Variants in CFTR observed in about 807,000 individuals in gnomAD.
CFTR encodes cystic fibrosis transmembrane conductance regulator.
A neutral mutation model predicts 171.6 loss-of-function variants in CFTR; 181 were observed. That is an observed-to-expected ratio of 1.05 (90% CI 0.93 to 1.19). CFTR has a LOEUF of 1.19. Among genes scored for constraint, CFTR ranks in the 50% most tolerant of loss-of-function variants. CFTR has a pLI of 0.00. For synonymous variants in CFTR, 583 were observed against 608.0 expected, an observed-to-expected ratio of 0.96 and a Z score of 0.60; for missense variants, 1,968 against 1,734.7, an observed-to-expected ratio of 1.13 and a Z score of -2.39.
At chr7:117,513,839 C>T (rs1798558955) in intron 3 of CFTR, among the ~76,000 whole-genome samples, 1 of 152,166 alleles carries the variant, frequency 6.6e-6, no homozygotes, top group Non-Finnish European at 1.5e-5. Context: ...GCACTCCCCA[C>T]AATCTCCTAT....
At chr7:117,570,434 G>A (rs1333441509) in intron 11 of CFTR, among the ~76,000 whole-genome samples, 1 of 152,126 alleles carries the variant, frequency 6.6e-6, no homozygotes, top group Non-Finnish European at 1.5e-5. Context: ...TCTTTATGGG[G>A]AAGTGCTATA....
chr7:117,637,830 T>C (rs919406336), intron 22 of CFTR, among the ~76,000 whole-genome samples: 10 of 152,034 alleles, frequency 6.6e-5, no homozygotes, highest in Non-Finnish European at 1.5e-4. Context: ...TGACCCAAGA[T>C]TGTGCCACTG....
At position 117,509,275 on chromosome 7, in the gene CFTR, C is replaced by T. The variant is rs1436998620; in HGVS notation, c.273+133C>T. The T allele has an allele frequency of 8.9e-6, 6 of 674,766 alleles. No individual in the cohort carries two copies. In the East Asian group the frequency reaches 1.6e-4, roughly 18 times the overall value. The allele number at this position is 674,766 out of a possible 1,614,324, so 41.8% of individuals were successfully genotyped here. Reference sequence around the variant, plus strand: ...GAATCCAACTCCAAACACTAAGAAACCACCTAAAACTCTAGTAAGGATAAG... The same window carrying T: ...GAATCCAACTCCAAACACTAAGAAATCACCTAAAACTCTAGTAAGGATAAG... On this transcript the variant is annotated intron_variant, in intron 3 of 26. Coordinates refer to ENST00000003084, the MANE Select transcript of CFTR (RefSeq NM_000492.4).
At chr7:117,614,449 A>T (rs966698120) in intron 20 of CFTR, among the ~76,000 whole-genome samples, 164 bp from the exon 21 acceptor site, 1 of 152,140 alleles carries the variant, frequency 6.6e-6, no homozygotes, top group African/African-American at 2.4e-5. Flanking sequence ...GCATTATTCT[A>T]TTAGTAGATG....
In CFTR at chr7:117,540,696, A is replaced by G. The variant is rs768183796; in HGVS notation, c.1116+350A>G. Among the ~76,000 whole-genome samples, 3 of 152,328 alleles carry G rather than the reference A, an allele frequency of 2.0e-5. 1 individual carries two copies. The South Asian group carries it at 6.2e-4, about 32-fold the overall frequency. The stretch of plus-strand genomic sequence containing the variant: ...GTATATGATTAAGAAGCAAATAAAT[A>G]CTTATTATGCTTTTTTGCTGTTTAT... On this transcript the variant is annotated intron_variant, in intron 8 of 26. Transcript: ENST00000003084.
intron 10 of CFTR, 50 bp downstream of exon 10, chr7:117,548,873 T>TC: frequency 6.4e-7 from 1 of 1,563,374 alleles, no homozygotes; most frequent in Non-Finnish European, 8.7e-7. Flanking sequence ...TGTCCATGTC[T>TC]CTTTTTTTTT....
intron 14 of CFTR, among the ~76,000 whole-genome samples, chr7:117,593,592 GTGTTTGTT>G (rs376034997): frequency 2.0e-5 from 3 of 151,704 alleles, no homozygotes; most frequent in African/African-American, 7.2e-5. Context: ...GTTTTTTTGT[GTGTTTGTT>G]TGTTTGTTTG....
intron 15 of CFTR, among the ~76,000 whole-genome samples, chr7:117,596,491 T>C (rs531408057): frequency 5.9e-5 from 9 of 152,224 alleles, no homozygotes; most frequent in African/African-American, 2.2e-4. Flanking sequence ...GGCTGAGGAG[T>C]GTGGGTGCAG....
chr7:117,583,322 C>G (rs1184363824), intron 11 of CFTR, among the ~76,000 whole-genome samples: 1 of 151,958 alleles, frequency 6.6e-6, no homozygotes, highest in Non-Finnish European at 1.5e-5. Flanking sequence ...TATCCCCCCC[C>G]CGCTCCACCC....
chr7:117,555,459 G>C (rs903094863), intron 10 of CFTR, among the ~76,000 whole-genome samples: 2 of 152,176 alleles, frequency 1.3e-5, no homozygotes, highest in African/African-American at 4.8e-5. Context: ...ACCACGTGAT[G>C]CTAATCATCT....
At chr7:117,603,437 AT>A in intron 16 of CFTR, 94 bp from the exon 17 acceptor site, 1 of 1,396,470 alleles carries the variant, frequency 7.2e-7, no homozygotes, top group Non-Finnish European at 1.0e-6. Flanking sequence ...AAAATATTGT[AT>A]TTATTTAGAC....
intron 10 of CFTR, among the ~76,000 whole-genome samples, chr7:117,549,587 T>A (rs371185224): frequency 6.6e-6 from 1 of 152,158 alleles, no homozygotes; most frequent in Admixed American, 6.5e-5. Flanking sequence ...AAATTAGAGA[T>A]GAGAAAGAGC....
chr7:117,649,484 AG>A (rs1562925184), intron 23 of CFTR, among the ~76,000 whole-genome samples: 23 of 119,082 alleles, frequency 1.9e-4, no homozygotes, highest in Middle Eastern at 4.0e-3. Flanking sequence ...ATATATATAT[AG>A]TGTGTGTGTG....
intron 23 of CFTR, 30 bp downstream of exon 23, chr7:117,642,623 G>T: frequency 6.2e-7 from 1 of 1,609,644 alleles, no homozygotes; most frequent in Non-Finnish European, 8.5e-7. Flanking sequence ...CAGAAAAAAG[G>T]CAACTAAATT....
At chr7:117,620,042 G>T (rs1357428506) in intron 21 of CFTR, among the ~76,000 whole-genome samples, 1 of 150,930 alleles carries the variant, frequency 6.6e-6, no homozygotes, top group Non-Finnish European at 1.5e-5. Flanking sequence ...AGTTTTTGCT[G>T]TAAGAATCTG....
At chr7:117,608,172 T>G (rs1792330203) in intron 18 of CFTR, among the ~76,000 whole-genome samples, 1 of 152,048 alleles carries the variant, frequency 6.6e-6, no homozygotes, top group South Asian at 2.1e-4. Flanking sequence ...CTCTCAAATT[T>G]TTTCTTTTAT....
At chr7:117,639,348 T>G (rs1792877892) in intron 22 of CFTR, among the ~76,000 whole-genome samples, 1 of 152,202 alleles carries the variant, frequency 6.6e-6, no homozygotes, top group South Asian at 2.1e-4. Flanking sequence ...ACCTTTTGAC[T>G]TTTTATCTAA....
At chr7:117,551,510 C>T (rs1799270368) in intron 10 of CFTR, among the ~76,000 whole-genome samples, 1 of 152,068 alleles carries the variant, frequency 6.6e-6, no homozygotes, top group South Asian at 2.1e-4. Context: ...TGACTTTTGT[C>T]ACTCTCCCCT....
intron 23 of CFTR, among the ~76,000 whole-genome samples, chr7:117,652,584 C>A (rs150183760): frequency 2.6e-4 from 39 of 152,028 alleles, no homozygotes; most frequent in Middle Eastern, 3.4e-3. Flanking sequence ...ATCTCAATTT[C>A]TTTATTCTAA....
Sources: allele counts gnomAD v4.1 joint callset (sites outside exome capture counted in the v4.1 genomes callset), GRCh38; gene constraint gnomAD v4.1.1; transcripts MANE v1.5; gene names NCBI Gene and HGNC (gene_info 2026-07-23, HGNC 2026-07-21).